CASK: variants seen among roughly 807,000 people sequenced by gnomAD.
CASK encodes the protein calcium/calmodulin dependent serine protein kinase.
A neutral mutation model predicts 82.9 loss-of-function variants in CASK; 4 were observed. The observed-to-expected ratio is 0.05, with a 90% CI of 0.02 to 0.11. The LOEUF is 0.11. Ranked by LOEUF, CASK falls within the 10% of genes least tolerant of loss-of-function variation. CASK has a pLI of 1.00. For missense variants in CASK, 358 were observed against 720.9 expected, an observed-to-expected ratio of 0.50 and a Z score of 5.76; for synonymous variants, 259 against 253.5, an observed-to-expected ratio of 1.02 and a Z score of -0.20.
intron 12 of CASK, among the ~76,000 whole-genome samples, chrX:41,607,695 A>G (rs1285403698): frequency 3.6e-5 from 4 of 112,077 alleles, no homozygotes; most frequent in African/African-American, 1.3e-4. Flanking sequence ...AGCAGTTGCC[A>G]AAGAATGTGA....
At chrX:41,801,569 T>G (rs1226562245) in intron 2 of CASK, among the ~76,000 whole-genome samples, 1 of 111,652 alleles carries the variant, frequency 9.0e-6, no homozygotes, top group East Asian at 2.8e-4. Context: ...GGCGAGCCAG[T>G]AAGAAGCACG....
intron 1 of CASK, among the ~76,000 whole-genome samples, chrX:41,904,744 T>C (rs1273896254): frequency 1.8e-5 from 2 of 111,598 alleles, no homozygotes; most frequent in Non-Finnish European, 3.8e-5. Flanking sequence ...TCGATCCTAA[T>C]GCTCCACCCT....
intron 1 of CASK, among the ~76,000 whole-genome samples, chrX:41,883,897 T>C (rs1241347972): frequency 1.8e-5 from 2 of 111,726 alleles, no homozygotes; most frequent in African/African-American, 6.5e-5. Flanking sequence ...TTCATTCTAA[T>C]TGTTGCTTTG....
intron 1 of CASK, among the ~76,000 whole-genome samples, chrX:41,879,762 T>C (rs1601935030): frequency 8.9e-6 from 1 of 112,232 alleles, no homozygotes; most frequent in Admixed American, 9.4e-5. Context: ...TCAAGACTTA[T>C]GGCTATTTTT....
chrX:41,920,362 CA>C (rs2072762413), intron 1 of CASK, among the ~76,000 whole-genome samples: 1 of 112,035 alleles, frequency 8.9e-6, no homozygotes, highest in African/African-American at 3.2e-5. Context: ...AAGCTAATTT[CA>C]ATTTCCAGAT....
intron 3 of CASK, among the ~76,000 whole-genome samples, chrX:41,785,399 A>G (rs939751944): frequency 8.9e-6 from 1 of 112,002 alleles, no homozygotes; most frequent in African/African-American, 3.2e-5. Flanking sequence ...TGGTTATCCT[A>G]TTCTGCAGAC....
chrX:41,760,656 C>T (rs2068983141), intron 3 of CASK, among the ~76,000 whole-genome samples: 1 of 110,990 alleles, frequency 9.0e-6, no homozygotes. Flanking sequence ...GAGCTCTGTT[C>T]AACTAGGACG....
chrX:41,858,913 C>T (rs1328354295), intron 1 of CASK, among the ~76,000 whole-genome samples: 1 of 110,735 alleles, frequency 9.0e-6, no homozygotes, highest in Non-Finnish European at 1.9e-5. Context: ...GCACAAAGGG[C>T]TTTTGAAGGC....
intron 8 of CASK, among the ~76,000 whole-genome samples, chrX:41,650,449 T>G (rs113185050): frequency 3.9e-3 from 343 of 87,602 alleles, no homozygotes; most frequent in African/African-American, 0.018. Context: ...GTTTTTGTGG[T>G]TTTTTTTTGT....
chrX:41,541,097 T>C (rs2064940951), intron 22 of CASK, among the ~76,000 whole-genome samples: 1 of 112,744 alleles, frequency 8.9e-6, no homozygotes. Flanking sequence ...ACACATCTCC[T>C]TGTGAGCCTA....
intron 9 of CASK, among the ~76,000 whole-genome samples, chrX:41,631,836 A>C (rs1465451578): frequency 1.8e-5 from 2 of 112,006 alleles, no homozygotes; most frequent in Non-Finnish European, 3.8e-5. Context: ...GTAAGATCAA[A>C]ATCACTTCAC....
At chrX:41,781,666 A>G (rs2147819514) in intron 3 of CASK, among the ~76,000 whole-genome samples, 1 of 111,767 alleles carries the variant, frequency 8.9e-6, no homozygotes, top group East Asian at 2.8e-4. Context: ...TAGCAGCTAT[A>G]GAAGCAATCT....
At chrX:41,591,118 A>T (rs1024515595) in intron 12 of CASK, among the ~76,000 whole-genome samples, 16 of 111,946 alleles carry the variant, frequency 1.4e-4, no homozygotes, top group Non-Finnish European at 2.6e-4. Context: ...CGTCCACAAA[A>T]GTTTGCCCAA....
chrX:41,561,970 G>A (rs1197070862), intron 16 of CASK: 1 of 170,713 alleles, frequency 5.9e-6, no homozygotes, highest in African/African-American at 3.1e-5. Flanking sequence ...TTGCTTACTA[G>A]CTTTAAGATC....
chrX:41,628,314 A>AT (rs2066413524), intron 9 of CASK, among the ~76,000 whole-genome samples: 1 of 111,710 alleles, frequency 9.0e-6, no homozygotes, highest in African/African-American at 3.2e-5. Context: ...CATTATTATT[A>AT]TTTTTTTGAG....
chrX:41,846,449 G>T (rs1368660027), intron 2 of CASK, among the ~76,000 whole-genome samples: 2 of 107,195 alleles, frequency 1.9e-5, no homozygotes, highest in African/African-American at 6.8e-5. Flanking sequence ...GGGGGCGGGG[G>T]GCTAGTAGGG....
At chrX:41,817,248 C>T (rs1406157663) in intron 2 of CASK, among the ~76,000 whole-genome samples, 1 of 112,083 alleles carries the variant, frequency 8.9e-6, no homozygotes, top group African/African-American at 3.2e-5. Context: ...TCCACAAAAA[C>T]CTACAGCTAA....
intron 9 of CASK, among the ~76,000 whole-genome samples, chrX:41,632,192 C>T (rs918059386): frequency 2.7e-5 from 3 of 112,025 alleles, no homozygotes; most frequent in Non-Finnish European, 5.6e-5. Context: ...TAGCTGAAGC[C>T]CACAACGACT....
At position 41,730,367 on chromosome X, in the gene CASK, C is replaced by CCA. The variant is rs751043526; in HGVS notation, c.429+9015_429+9016dup. 1.9e-3 allele frequency among the ~76,000 whole-genome samples: 208 copies of CCA among 109,602 alleles called. 1 individual carries two copies. Among genetic ancestry groups the CCA allele is most frequent in the Non-Finnish European group, 2.4e-3 (124 of 52,354 alleles). ...GGGGGCAAAACAAACAAACAAAAAA[C>CCA]CACACACACACACACACAAAAACCC... is the stretch of plus-strand genomic sequence containing the variant. On this transcript the variant is annotated intron_variant, in intron 5 of 26. Transcript: ENST00000378163.
Sources: gnomAD v4.1 joint callset for allele counts (sites outside exome capture counted in the v4.1 genomes callset) on GRCh38, gnomAD v4.1.1 for gene constraint, MANE v1.5 for transcripts, NCBI Gene and HGNC (gene_info 2026-07-23, HGNC 2026-07-21) for gene names.